The following C8orf74 variants were observed in gnomAD, a reference collection of about 807,000 sequenced individuals.
The protein encoded by C8orf74 is uncharacterized protein C8orf74.
A neutral mutation model predicts 22.2 loss-of-function variants in C8orf74; 29 were observed. The observed-to-expected ratio is 1.31, with a 90% CI of 0.97 to 1.78. C8orf74 has a LOEUF of 1.78. Ranked by LOEUF, C8orf74 falls within the 40% of genes most tolerant of loss-of-function variation. The pLI, the probability that C8orf74 is intolerant of heterozygous loss-of-function variation, is 0.00. For missense variants in C8orf74, 515 were observed against 369.9 expected, an observed-to-expected ratio of 1.39 and a Z score of -3.22; for synonymous variants, 255 against 163.1, an observed-to-expected ratio of 1.56 and a Z score of -4.30.
intron 2 of C8orf74, chr8:10,688,888 G>A (rs1799317067): frequency 6.6e-6 from 1 of 152,374 alleles, no homozygotes; most frequent in South Asian, 2.1e-4. Context: ...GGGACAGGCA[G>A]GAGCCACAGA....
intron 2 of C8orf74, among the ~76,000 whole-genome samples, chr8:10,678,748 G>C (rs891636836): frequency 2.6e-5 from 4 of 152,340 alleles, no homozygotes; most frequent in South Asian, 2.1e-4. Flanking sequence ...GCAGTGGGGA[G>C]AGAGTAGGCA....
At chr8:10,681,458 G>C (rs1193774031) in intron 2 of C8orf74, among the ~76,000 whole-genome samples, 1 of 152,154 alleles carries the variant, frequency 6.6e-6, no homozygotes, top group Non-Finnish European at 1.5e-5. Context: ...CTAATCCTGG[G>C]GAGGCTCAGG....
intron 2 of C8orf74, chr8:10,690,738 C>T (rs946633635): frequency 3.4e-5 from 13 of 383,824 alleles, no homozygotes; most frequent in Middle Eastern, 8.9e-4. Flanking sequence ...AGGAAGCCAC[C>T]GGAGCCCCCT....
At chr8:10,694,626 T>G (rs556752863) in intron 2 of C8orf74, among the ~76,000 whole-genome samples, 19 of 152,366 alleles carry the variant, frequency 1.2e-4, no homozygotes, top group African/African-American at 4.3e-4. Flanking sequence ...TGTGGAGATA[T>G]TTAACCTTTT....
intron 2 of C8orf74, among the ~76,000 whole-genome samples, chr8:10,675,256 C>T (rs770920853): frequency 2.6e-5 from 4 of 152,170 alleles, no homozygotes; most frequent in East Asian, 1.9e-4. Context: ...AGCTTGCTCA[C>T]GCAAAGATGG....
chr8:10,681,167 A>G (rs1412378055), intron 2 of C8orf74, among the ~76,000 whole-genome samples: 1 of 152,036 alleles, frequency 6.6e-6, no homozygotes, highest in African/African-American at 2.4e-5. Context: ...GCCTTGGCGC[A>G]GGGAGGGAAG....
chr8:10,698,769 G>A (rs1347555040), intron 3 of C8orf74, among the ~76,000 whole-genome samples: 2 of 152,028 alleles, frequency 1.3e-5, no homozygotes, highest in African/African-American at 4.8e-5. Context: ...GCGTGTGTAT[G>A]TATGTGCCTG....
chr8:10,674,258 TACCCTGCAGCCCCCATATCAC>T (rs1798979502), intron 1 of C8orf74, among the ~76,000 whole-genome samples: 1 of 117,144 alleles, frequency 8.5e-6, no homozygotes, highest in African/African-American at 3.4e-5. Flanking sequence ...CCTCATATCA[TACCCTGCAGCCCCCATATCAC>T]ACCCCGCAGC....
At chr8:10,684,434 C>A (rs370477972) in intron 2 of C8orf74, among the ~76,000 whole-genome samples, 1 of 152,196 alleles carries the variant, frequency 6.6e-6, no homozygotes, top group Non-Finnish European at 1.5e-5. Context: ...GAGTCCATGA[C>A]AGTCTTTAAA....
At chr8:10,674,920 C>G in intron 2 of C8orf74, 82 bp downstream of exon 2, 1 of 1,233,210 alleles carries the variant, frequency 8.1e-7, no homozygotes, top group Non-Finnish European at 1.1e-6. Flanking sequence ...CGTCCACAGC[C>G]CCAGCAGCCT....
chr8:10,678,638 C>T (rs1799083734), intron 2 of C8orf74, among the ~76,000 whole-genome samples: 1 of 150,314 alleles, frequency 6.7e-6, no homozygotes, highest in African/African-American at 2.4e-5. Context: ...TTTCAGAAGT[C>T]AGGAGCAAGA....
rs1279261686 is a variant in C8orf74, at chr8:10,680,009, C to G, written c.241+5171C>G. On this transcript the variant is annotated intron_variant, in intron 2 of 3. Coordinates refer to ENST00000304519, the MANE Select transcript of C8orf74 (RefSeq NM_001040032.2). ...TACATCTTTGTCCCCTCCGACCCCCCAGTGCTGAGCGATGCATATGGCACA... is the reference window on the plus strand; with the variant it reads ...TACATCTTTGTCCCCTCCGACCCCCGAGTGCTGAGCGATGCATATGGCACA... 4 of 152,764 alleles carry G rather than the reference C, an allele frequency of 2.6e-5. No homozygotes were observed. The East Asian group carries it at 5.8e-4, about 22-fold the overall frequency. 9.5% of individuals were successfully genotyped at this position (152,764 alleles called of 1,614,324 possible).
chr8:10,697,508 A>T (rs938569623), intron 2 of C8orf74, 91 bp from the exon 3 acceptor site: 1 of 1,105,496 alleles, frequency 9.0e-7, no homozygotes. Context: ...GGGCTCTGTG[A>T]CCAGGCTGTC....
rs770906768 is a variant in C8orf74, at chr8:10,674,838, G to A, written c.241G>A (p.Gly81Ser). 2.5e-6 allele frequency: 4 copies of A among 1,595,108 alleles called. No individual in the cohort carries two copies. Among genetic ancestry groups the A allele is most frequent in the Middle Eastern group, 1.6e-4 (1 of 6,062 alleles). Residue 81 changes from glycine (G) to serine (S), a missense_variant and splice_region_variant, in exon 2 of 4, where the codon GGC (glycine) becomes AGC (serine). Coordinates refer to ENST00000304519, the MANE Select transcript of C8orf74 (RefSeq NM_001040032.2). ...FTEELLRETK[G>S]CSITEAVTIL... ...AGAAGAGCTGCTAAGGGAAACCAAA[G>A]GTATGGTGTGTCCAGGGCAGGAGTC...
intron 2 of C8orf74, among the ~76,000 whole-genome samples, chr8:10,675,248 C>T (rs1229889103): frequency 6.6e-6 from 1 of 152,196 alleles, no homozygotes; most frequent in African/African-American, 2.4e-5. Flanking sequence ...AGTCCTGGAG[C>T]TTGCTCACGC....
At position 10,697,623 on chromosome 8, in the gene C8orf74, C is replaced by T. The variant is rs765586849; in HGVS notation, c.266C>T (p.Thr89Met). The T allele has an allele frequency of 3.1e-6, 5 of 1,613,704 alleles. No homozygotes were observed. The highest frequency in any genetic ancestry group is 1.7e-5 in the Admixed American group (1 of 60,008). The change falls in exon 3 of 4, where the codon ACG becomes ATG. Residue 89 changes from threonine (T) to methionine (M), a missense_variant. Coordinates refer to ENST00000304519, the MANE Select transcript of C8orf74 (RefSeq NM_001040032.2). ...TKGCSITEAV[T>M]ILGNKLRDYR... is the part of the protein sequence containing the mutation. ...GGCTGCTCCATTACTGAGGCTGTGACGATCCTGGGGAACAAGCTTAGAGAT... is the reference window on the plus strand; with the variant it reads ...GGCTGCTCCATTACTGAGGCTGTGATGATCCTGGGGAACAAGCTTAGAGAT...
chr8:10,696,951 G>C (rs1481276921), intron 2 of C8orf74, among the ~76,000 whole-genome samples: 1 of 142,992 alleles, frequency 7.0e-6, no homozygotes, highest in Non-Finnish European at 1.5e-5. Context: ...CTTATGCCCA[G>C]GAGTTCGAAA....
chr8:10,676,636 C>G (rs1799038702), intron 2 of C8orf74, among the ~76,000 whole-genome samples: 1 of 152,118 alleles, frequency 6.6e-6, no homozygotes. Flanking sequence ...CCAGTGGTCC[C>G]AGCCTAAAGG....
chr8:10,679,468 T>C (rs1314321886), intron 2 of C8orf74, among the ~76,000 whole-genome samples: 1 of 152,180 alleles, frequency 6.6e-6, no homozygotes, highest in Non-Finnish European at 1.5e-5. Context: ...ACCTTGATCT[T>C]CTCTGGTGTC....
Sources: allele counts gnomAD v4.1 joint callset (sites outside exome capture counted in the v4.1 genomes callset), GRCh38; gene constraint gnomAD v4.1.1; transcripts MANE v1.5; gene names NCBI Gene and HGNC (gene_info 2026-07-23, HGNC 2026-07-21).